Variants in ZFAND4 observed in about 807,000 individuals in gnomAD.
ZFAND4 encodes the protein zinc finger AN1-type containing 4.
A neutral mutation model predicts 64.4 loss-of-function variants in ZFAND4; 43 were observed. That is an observed-to-expected ratio of 0.67 (90% CI 0.52 to 0.86). The LOEUF is 0.86. Ranked by LOEUF, ZFAND4 falls within the 40% of genes least tolerant of loss-of-function variation. The pLI, the probability that ZFAND4 is intolerant of heterozygous loss-of-function variation, is 0.00. For missense variants in ZFAND4, 929 were observed against 859.8 expected, an observed-to-expected ratio of 1.08 and a Z score of -1.01; for synonymous variants, 296 against 305.7, an observed-to-expected ratio of 0.97 and a Z score of 0.33.
intron 2 of ZFAND4, chr10:45,662,797 C>G (rs2048563803): frequency 3.7e-6 from 1 of 268,834 alleles, no homozygotes; most frequent in African/African-American, 2.3e-5. Flanking sequence ...TGGAGGGCAA[C>G]CCTAGTCACT....
intron 2 of ZFAND4, among the ~76,000 whole-genome samples, chr10:45,661,590 T>C (rs2048475275): frequency 6.6e-6 from 1 of 152,126 alleles, no homozygotes; most frequent in African/African-American, 2.4e-5. Flanking sequence ...ACTCACACCA[T>C]GTGACCCCAA....
In ZFAND4 at chr10:45,628,836, T is replaced by C. The variant is rs181896071; in HGVS notation, c.718-1731A>G. Reference sequence around the variant, plus strand: ...TATTCCCCAATCCAAGAAACTCATCTGCAAAGCCTATGCCTGTGGTGACAG... The same window carrying C: ...TATTCCCCAATCCAAGAAACTCATCCGCAAAGCCTATGCCTGTGGTGACAG... On this transcript the variant is annotated intron_variant, in intron 6 of 9. Coordinates refer to ENST00000344646, the MANE Select transcript of ZFAND4 (RefSeq NM_174890.4). Among the ~76,000 whole-genome samples, 105 of 145,330 alleles carry C rather than the reference T, an allele frequency of 7.2e-4. 2 individuals carry two copies. In the South Asian group the frequency reaches 0.014, roughly 19 times the overall value.
At chr10:45,658,186 G>C (rs557648731) in intron 2 of ZFAND4, among the ~76,000 whole-genome samples, 1 of 152,322 alleles carries the variant, frequency 6.6e-6, no homozygotes, top group African/African-American at 2.4e-5. Flanking sequence ...GCTAACTAGG[G>C]AGGGCCCTCA....
chr10:45,661,530 G>GC (rs2048470471), intron 2 of ZFAND4, among the ~76,000 whole-genome samples: 1 of 152,138 alleles, frequency 6.6e-6, no homozygotes, highest in Non-Finnish European at 1.5e-5. Context: ...AACCCAAGCA[G>GC]CCTCATCTCT....
At chr10:45,666,014 G>A (rs2926327) in intron 1 of ZFAND4, among the ~76,000 whole-genome samples, 1 of 152,114 alleles carries the variant, frequency 6.6e-6, no homozygotes, top group Non-Finnish European at 1.5e-5. Context: ...GTTACATATA[G>A]TGCTAAGATG....
intron 5 of ZFAND4, among the ~76,000 whole-genome samples, chr10:45,642,781 AAAATGT>A (rs892671734): frequency 1.1e-4 from 16 of 151,926 alleles, no homozygotes; most frequent in South Asian, 2.1e-4. Context: ...TTCAGATGAA[AAAATGT>A]AACTAGGTTA....
chr10:45,651,967 T>C lies in ZFAND4; in HGVS notation c.327A>G (p.Arg109=). The C allele has an allele frequency of 3.1e-6, 5 of 1,613,232 alleles. No homozygotes were observed. Among genetic ancestry groups the C allele is most frequent in the Non-Finnish European group, 4.2e-6 (5 of 1,179,276 alleles). ...GCTTTAATATATATATATGCCTACC[T>C]CTTCTAGTATTTATAGGTCCGCCAC... ...AMRGGPINTR[R]VPTDDPLRKM... is the part of the protein sequence containing the mutation. Residue 109 remains arginine (R), a splice_region_variant and synonymous_variant, in exon 4 of 10, where the codon AGA becomes AGG. Coordinates refer to ENST00000344646, the MANE Select transcript of ZFAND4 (RefSeq NM_174890.4).
intron 6 of ZFAND4, among the ~76,000 whole-genome samples, chr10:45,636,508 G>A (rs942961474): frequency 2.6e-5 from 4 of 151,998 alleles, no homozygotes; most frequent in Non-Finnish European, 2.9e-5. Flanking sequence ...ATGGTGGCAT[G>A]AGCCTGTCGT....
At chr10:45,659,124 T>C (rs1211884217) in intron 2 of ZFAND4, among the ~76,000 whole-genome samples, 1 of 152,150 alleles carries the variant, frequency 6.6e-6, no homozygotes, top group South Asian at 2.1e-4. Flanking sequence ...ACTGGGAAAT[T>C]ATTGAGGGCC....
At chr10:45,632,447 T>G (rs1363407233) in intron 6 of ZFAND4, among the ~76,000 whole-genome samples, 2 of 152,154 alleles carry the variant, frequency 1.3e-5, no homozygotes, top group Non-Finnish European at 1.5e-5. Flanking sequence ...GTAAAGGCTA[T>G]GTTTTCTTTA....
intron 1 of ZFAND4, among the ~76,000 whole-genome samples, chr10:45,669,084 C>G (rs915312904): frequency 6.6e-6 from 1 of 152,052 alleles, no homozygotes; most frequent in Non-Finnish European, 1.5e-5. Context: ...CACAAAAATC[C>G]CTTCAAAAAA....
At chr10:45,616,640 G>A in intron 9 of ZFAND4, 69 bp from the exon 10 acceptor site, 1 of 1,556,688 alleles carries the variant, frequency 6.4e-7, no homozygotes, top group Non-Finnish European at 8.8e-7. Flanking sequence ...TGGGAGACAG[G>A]AGCTTGACTT....
chr10:45,618,354 TA>T, intron 8 of ZFAND4, 94 bp from the exon 9 acceptor site: 6 of 1,419,740 alleles, frequency 4.2e-6, no homozygotes, highest in Non-Finnish European at 4.8e-6. Context: ...CCTATCAAAG[TA>T]AATATCTATG....
chr10:45,638,299 C>T (rs1356137643), intron 6 of ZFAND4, among the ~76,000 whole-genome samples: 6 of 146,840 alleles, frequency 4.1e-5, no homozygotes, highest in African/African-American at 1.0e-4. Flanking sequence ...TTGGCTAATA[C>T]GGTGAAACCC....
rs777659670 is a variant in ZFAND4 at position 45,626,593 on chromosome 10, A to G, written c.1230T>C (p.Asp410=). 1 of 1,614,214 alleles carries G rather than the reference A, an allele frequency of 6.2e-7. No individual in the cohort carries two copies. The highest frequency in any genetic ancestry group is 1.1e-5 in the South Asian group (1 of 91,086). ...SLASFAEGNA[D]EQSSGLEGAC... ...CACCTTCTAAGCCGCTGCTCTGTTCATCAGCATTTCCTTCTGCAAATGAAG... is the reference window on the plus strand; with the variant it reads ...CACCTTCTAAGCCGCTGCTCTGTTCGTCAGCATTTCCTTCTGCAAATGAAG... Residue 410 remains aspartate, a synonymous_variant, in exon 7 of 10, where the codon GAT becomes GAC. Transcript: ENST00000344646.
intron 6 of ZFAND4, among the ~76,000 whole-genome samples, chr10:45,629,730 G>T (rs1333092270): frequency 1.3e-5 from 2 of 152,088 alleles, no homozygotes; most frequent in Non-Finnish European, 2.9e-5. Context: ...GGGCATGGTG[G>T]CAGGAGCCCG....
chr10:45,639,707 G>A, intron 6 of ZFAND4, 109 bp downstream of exon 6: 1 of 1,354,348 alleles, frequency 7.4e-7, no homozygotes, highest in Non-Finnish European at 9.8e-7. Context: ...CCAGAAACCT[G>A]AAATGAATAA....
rs561912174 is a variant in ZFAND4, at chr10:45,665,532, C to T, written c.-117-1690G>A. ...CTCCAACCTGGGTGACAGAGCAAGA[C>T]TCCATCATTAAATAAGAAAAAAAAA... On this transcript the variant is annotated intron_variant, in intron 1 of 9. Transcript: ENST00000344646. Among the ~76,000 whole-genome samples the T allele has an allele frequency of 2.6e-5, 4 of 152,040 alleles. No homozygotes were observed. In the South Asian group the frequency reaches 8.3e-4, roughly 32 times the overall value.
intron 6 of ZFAND4, among the ~76,000 whole-genome samples, chr10:45,635,874 G>A (rs1024365598): frequency 1.3e-5 from 2 of 152,050 alleles, no homozygotes; most frequent in African/African-American, 4.8e-5. Context: ...ATAATTTTAT[G>A]ACATATGTAT....
Sources: allele counts gnomAD v4.1 joint callset (sites outside exome capture counted in the v4.1 genomes callset), GRCh38; gene constraint gnomAD v4.1.1; transcripts MANE v1.5; gene names NCBI Gene and HGNC (gene_info 2026-07-23, HGNC 2026-07-21).